Variants in ALPL observed in about 807,000 individuals in gnomAD.
The protein encoded by ALPL is alkaline phosphatase, biomineralization associated.
ALPL carries 42 observed loss-of-function variants against 51.3 expected under a neutral mutation model. That is an observed-to-expected ratio of 0.82 (90% confidence interval 0.64 to 1.06). The LOEUF (loss-of-function observed/expected upper bound fraction) is 1.06, where lower values mean the gene tolerates loss of function less well. Ranked by LOEUF, ALPL falls within the 50% of genes least tolerant of loss-of-function variation. The pLI is 0.00. For missense variants in ALPL, 589 were observed against 709.4 expected (o/e 0.83, Z 1.93); for synonymous variants, 279 against 296.4 (o/e 0.94, Z 0.60).
Position 21,547,934 on chromosome 1 carries a change from G to C in ALPL, c.-104-6044G>C, listed in dbSNP as rs187190091. ...TTGCCCCACTCCAGGATGCTCCCGG[G>C]CCCTCTGCCTGGGTTGCTGAATCAG... On this transcript the variant is annotated intron_variant, in intron 1 of 11. Transcript: ENST00000374840. 6.6e-4 allele frequency among the ~76,000 whole-genome samples: 100 copies of C among 152,324 alleles called. No individual in the cohort carries two copies. In the East Asian group the frequency reaches 0.017, roughly 26 times the overall value.
chr1:21,517,996 G>A (rs1643832632), intron 1 of ALPL, among the ~76,000 whole-genome samples: 1 of 151,968 alleles, frequency 6.6e-6, no homozygotes, highest in Admixed American at 6.6e-5. Context: ...GTGGGGGTAG[G>A]GAAGGGATAG....
chr1:21,559,737 C>T (rs993979653), intron 2 of ALPL, among the ~76,000 whole-genome samples: 3 of 152,122 alleles, frequency 2.0e-5, no homozygotes, highest in Non-Finnish European at 4.4e-5. Flanking sequence ...CCAAGTTGGT[C>T]GCGAACTCCT....
chr1:21,560,344 TG>T (rs1644466126), intron 2 of ALPL, among the ~76,000 whole-genome samples: 1 of 152,264 alleles, frequency 6.6e-6, no homozygotes, highest in Admixed American at 6.5e-5. Flanking sequence ...TGCCAGTGTC[TG>T]CCTGTGCTGT....
At position 21,563,164 on chromosome 1, in the gene ALPL, C is replaced by T. The variant is rs1284058976; in HGVS notation, c.352C>T (p.Leu118=). ...PDSAGTATAY[L]CGVKANEGTV... ...CAGTGCCGGCACCGCCACCGCCTAC[C>T]TGTGTGGGGTGAAGGCCAATGAGGG... Residue 118 remains leucine (L), a synonymous_variant, in exon 5 of 12, where the codon CTG becomes TTG. Coordinates refer to ENST00000374840, the MANE Select transcript of ALPL (RefSeq NM_000478.6). The T allele has an allele frequency of 6.2e-7, 1 of 1,613,904 alleles. No individual in the cohort carries two copies. Among genetic ancestry groups the T allele is most frequent in the South Asian group, 1.1e-5 (1 of 91,084 alleles).
intron 1 of ALPL, among the ~76,000 whole-genome samples, chr1:21,514,673 T>C (rs906198649): frequency 6.6e-6 from 1 of 152,142 alleles, no homozygotes; most frequent in African/African-American, 2.4e-5. Context: ...CCAGGGGTTA[T>C]GAGATGGACA....
At chr1:21,572,015 AT>A (rs1467521224) in intron 8 of ALPL, among the ~76,000 whole-genome samples, 1 of 151,894 alleles carries the variant, frequency 6.6e-6, no homozygotes, top group East Asian at 1.9e-4. Flanking sequence ...GAAAGAAAAC[AT>A]TAGCCAGGTG....
At chr1:21,567,671 G>C (rs1296587591) in intron 6 of ALPL, among the ~76,000 whole-genome samples, 1 of 152,176 alleles carries the variant, frequency 6.6e-6, no homozygotes, top group East Asian at 1.9e-4. Flanking sequence ...TGTGGCCTTC[G>C]GGGGAAAAAA....
rs565420176 is a variant in ALPL, at chr1:21,518,101, C to G, written c.-105+8584C>G. Among the ~76,000 whole-genome samples, 3 of 152,140 alleles carry G rather than the reference C, an allele frequency of 2.0e-5. No homozygotes were observed. In the East Asian group the frequency reaches 5.8e-4, roughly 30 times the overall value. On this transcript the variant is annotated intron_variant, in intron 1 of 11. Transcript: ENST00000374840. ...AGCTAGACTGTACCAGGGCCCACCC[C>G]AGGTGTGGGGTAGGAACCTTTTATG...
intron 1 of ALPL, among the ~76,000 whole-genome samples, chr1:21,551,714 G>C (rs1382373739): frequency 1.6e-5 from 2 of 124,058 alleles, no homozygotes; most frequent in Non-Finnish European, 3.6e-5. Context: ...AGCGCAGCTT[G>C]CGTGGTTTTT....
chr1:21,563,990 G>C (rs772015203), intron 5 of ALPL, 51 bp from the exon 6 acceptor site: 11 of 1,606,160 alleles, frequency 6.8e-6, no homozygotes, highest in Non-Finnish European at 8.5e-6. Context: ...GGAGGCCTCT[G>C]GGACACCCCG....
chr1:21,532,027 A>C (rs1035750363), intron 1 of ALPL, among the ~76,000 whole-genome samples: 1 of 152,080 alleles, frequency 6.6e-6, no homozygotes, highest in South Asian at 2.1e-4. Context: ...AGGAGGACCC[A>C]GGAGCCATAT....
chr1:21,552,411 G>A (rs1644343506), intron 1 of ALPL, among the ~76,000 whole-genome samples: 2 of 150,552 alleles, frequency 1.3e-5, no homozygotes, highest in Admixed American at 1.3e-4. Context: ...CCCGGGGGGC[G>A]GAGGTTGCAG....
intron 1 of ALPL, among the ~76,000 whole-genome samples, chr1:21,553,744 C>T (rs539241204): frequency 6.6e-5 from 10 of 152,300 alleles, no homozygotes; most frequent in Admixed American, 2.6e-4. Flanking sequence ...GGAAATGGGA[C>T]GGAACTGCTT....
intron 1 of ALPL, among the ~76,000 whole-genome samples, chr1:21,520,127 GTTGT>G (rs1031048164): frequency 9.9e-5 from 15 of 151,822 alleles, no homozygotes; most frequent in African/African-American, 2.2e-4. Flanking sequence ...TTTTGTTGTT[GTTGT>G]TTGTTTGTTT....
intron 5 of ALPL, among the ~76,000 whole-genome samples, 195 bp from the exon 6 acceptor site, chr1:21,563,846 G>T (rs1644522769): frequency 6.6e-6 from 1 of 152,088 alleles, no homozygotes; most frequent in African/African-American, 2.4e-5. Context: ...GGTTCCAGAG[G>T]CAGTGTTCTG....
chr1:21,554,863 TTCTTTCTTTCTC>T (rs1558544082), intron 2 of ALPL, among the ~76,000 whole-genome samples: 146 of 135,514 alleles, frequency 1.1e-3, no homozygotes, highest in African/African-American at 3.6e-3. Context: ...CTTTCTTTCT[TTCTTTCTTTCTC>T]TCTTTCTTTC....
Position 21,554,056 on chromosome 1 carries a change from G to A in ALPL, c.-26G>A, listed in dbSNP as rs754895943. On this transcript the variant is annotated 5_prime_UTR_variant, in exon 2 of 12. Transcript: ENST00000374840. Reference sequence around the variant, plus strand: ...CGTCGATTGCATCTCTGGGCTCCAGGGATAAAGCAGGTCTTGGGGTGCACC... The same window carrying A: ...CGTCGATTGCATCTCTGGGCTCCAGAGATAAAGCAGGTCTTGGGGTGCACC... The A allele has an allele frequency of 6.2e-7, 1 of 1,604,740 alleles. No homozygotes were observed. Among genetic ancestry groups the A allele is most frequent in the South Asian group, 1.1e-5 (1 of 90,898 alleles).
intron 1 of ALPL, among the ~76,000 whole-genome samples, chr1:21,545,511 G>A (rs6696066): frequency 0.45 from 68,839 of 151,742 alleles, 16,595 homozygotes; most frequent in East Asian, 0.83. Context: ...GGCCGGTCTC[G>A]AACTCCTGAC....
chr1:21,568,542 G>A (rs1041046432), intron 7 of ALPL, among the ~76,000 whole-genome samples: 9 of 152,110 alleles, frequency 5.9e-5, no homozygotes, highest in African/African-American at 1.7e-4. Context: ...CACCTGGCGG[G>A]GCATGCGTGA....
Sources: gnomAD v4.1 joint callset for allele counts (sites outside exome capture counted in the v4.1 genomes callset) on GRCh38, gnomAD v4.1.1 for gene constraint, MANE v1.5 for transcripts, NCBI Gene and HGNC (gene_info 2026-07-23, HGNC 2026-07-21) for gene names.